TMEM232: variants seen among roughly 807,000 people sequenced by gnomAD.
TMEM232 encodes the protein transmembrane protein 232.
A neutral mutation model predicts 78.8 loss-of-function variants in TMEM232; 80 were observed. The observed-to-expected ratio is 1.01, with a 90% CI of 0.85 to 1.22. The LOEUF (loss-of-function observed/expected upper bound fraction) is 1.22. TMEM232 is among the 50% of genes most tolerant of loss of function. The probability of loss-of-function intolerance (pLI) is 0.00; values close to 1 mark genes in which losing one functional copy is unlikely to be tolerated. For missense variants in TMEM232, 881 were observed against 742.2 expected (o/e 1.19, Z -2.17); for synonymous variants, 297 against 254.3 (o/e 1.17, Z -1.60).
intron 1 of TMEM232, among the ~76,000 whole-genome samples, chr5:110,697,808 G>C (rs1179387346): frequency 1.3e-5 from 2 of 152,134 alleles, no homozygotes; most frequent in Non-Finnish European, 2.9e-5. Flanking sequence ...ACAGGTCCTA[G>C]AGAAATAGGG....
intron 1 of TMEM232, among the ~76,000 whole-genome samples, chr5:110,722,166 A>C (rs1431382135): frequency 1.3e-5 from 2 of 152,106 alleles, no homozygotes; most frequent in African/African-American, 2.4e-5. Flanking sequence ...TCTTACAATG[A>C]AATCACCTTT....
At chr5:110,677,562 C>A (rs1479021041) in intron 1 of TMEM232, among the ~76,000 whole-genome samples, 1 of 152,114 alleles carries the variant, frequency 6.6e-6, no homozygotes, top group Non-Finnish European at 1.5e-5. Flanking sequence ...AAAAAGTTAT[C>A]ACTAAGCATC....
intron 2 of TMEM232, among the ~76,000 whole-genome samples, chr5:110,649,210 A>T (rs1313134022): frequency 6.6e-6 from 1 of 152,138 alleles, no homozygotes; most frequent in African/African-American, 2.4e-5. Flanking sequence ...AACTGTAAAG[A>T]AAAAGAAAAT....
chr5:110,445,585 TAACAACTTA>T (rs1376485111), intron 12 of TMEM232, among the ~76,000 whole-genome samples: 2 of 152,078 alleles, frequency 1.3e-5, no homozygotes, highest in African/African-American at 2.4e-5. Flanking sequence ...ACCCCATAAT[TAACAACTTA>T]AAACAAAAAA....
chr5:110,421,190 TGA>T, intron 13 of TMEM232, among the ~76,000 whole-genome samples: 1 of 151,956 alleles, frequency 6.6e-6, no homozygotes, highest in South Asian at 2.1e-4. Context: ...AAGTTAAAAA[TGA>T]AATTAATGGT....
intron 12 of TMEM232, among the ~76,000 whole-genome samples, chr5:110,466,647 C>T (rs1318243477): frequency 1.3e-5 from 2 of 148,564 alleles, no homozygotes; most frequent in African/African-American, 2.5e-5. Flanking sequence ...GAGTCTTGCT[C>T]TGTTGCCCAG....
At chr5:110,616,897 T>G (rs577387099) in intron 8 of TMEM232, among the ~76,000 whole-genome samples, 1 of 152,264 alleles carries the variant, frequency 6.6e-6, no homozygotes, top group South Asian at 2.1e-4. Context: ...AAAATAGAAC[T>G]ACCATATGAT....
intron 12 of TMEM232, among the ~76,000 whole-genome samples, chr5:110,500,786 A>G (rs1334437601): frequency 1.3e-5 from 2 of 152,216 alleles, no homozygotes; most frequent in East Asian, 3.8e-4. Context: ...CTACGTTTAC[A>G]ATTCAGTATA....
intron 1 of TMEM232, among the ~76,000 whole-genome samples, chr5:110,678,280 G>T (rs1047961118): frequency 6.6e-6 from 1 of 152,044 alleles, no homozygotes; most frequent in Non-Finnish European, 1.5e-5. Context: ...GCCTAGGATG[G>T]TCTCGAACTC....
chr5:110,420,525 T>A lies in TMEM232; in HGVS notation c.*55A>T. 1 of 1,094,888 alleles carries A rather than the reference T, an allele frequency of 9.1e-7. No homozygotes were observed. The highest frequency in any genetic ancestry group is 1.2e-6 in the Non-Finnish European group (1 of 819,472). 67.8% of individuals were successfully genotyped at this position (1,094,888 alleles called of 1,614,324 possible). On this transcript the variant is annotated 3_prime_UTR_variant, in exon 14 of 14. Coordinates refer to ENST00000455884, the MANE Select transcript of TMEM232 (RefSeq NM_001039763.4). Reference sequence around the variant, plus strand: ...GTAGCTATCTTGGTATTTTTCATCCTATGTATTTCTGCCATGTAGTCCTCA... The same window carrying A: ...GTAGCTATCTTGGTATTTTTCATCCAATGTATTTCTGCCATGTAGTCCTCA...
At chr5:110,406,265 TACACACACACACACACACACACAC>T (rs70999966) in intron 2 of TMEM232, among the ~76,000 whole-genome samples, 1 of 143,584 alleles carries the variant, frequency 7.0e-6, no homozygotes, top group Admixed American at 7.0e-5. Context: ...CAGATATATA[TACACACACACACACACACACACAC>T]ACACACACAC....
chr5:110,413,919 A>T (rs1233191285), intron 2 of TMEM232, among the ~76,000 whole-genome samples: 5 of 152,244 alleles, frequency 3.3e-5, no homozygotes, highest in African/African-American at 1.2e-4. Flanking sequence ...AGTGACACAC[A>T]TAGCTTCTGT....
intron 1 of TMEM232, among the ~76,000 whole-genome samples, chr5:110,713,520 T>C (rs941828042): frequency 2.0e-5 from 3 of 152,030 alleles, no homozygotes; most frequent in African/African-American, 7.2e-5. Context: ...GTCCCATAAA[T>C]ATATACACCT....
At chr5:110,578,203 T>G (rs2149716230) in intron 10 of TMEM232, among the ~76,000 whole-genome samples, 1 of 152,060 alleles carries the variant, frequency 6.6e-6, no homozygotes, top group Non-Finnish European at 1.5e-5. Context: ...ACTTCTGACT[T>G]TTGGATTTAT....
chr5:110,659,887 T>G (rs770189144), intron 2 of TMEM232, among the ~76,000 whole-genome samples: 58 of 151,854 alleles, frequency 3.8e-4, no homozygotes, highest in Non-Finnish European at 7.4e-4. Flanking sequence ...GACAAAAATT[T>G]GGAAAATGGA....
At chr5:110,713,020 A>G (rs1233803246) in intron 1 of TMEM232, among the ~76,000 whole-genome samples, 1 of 152,196 alleles carries the variant, frequency 6.6e-6, no homozygotes, top group South Asian at 2.1e-4. Flanking sequence ...GCGTCCATCA[A>G]CAGATGAGTG....
intron 11 of TMEM232, among the ~76,000 whole-genome samples, chr5:110,566,252 G>A (rs1369200429): frequency 1.3e-5 from 2 of 151,696 alleles, no homozygotes; most frequent in Non-Finnish European, 2.9e-5. Flanking sequence ...TATTCCCAGA[G>A]CTCCTAGGCC....
At chr5:110,464,860 T>C (rs1368739060) in intron 12 of TMEM232, among the ~76,000 whole-genome samples, 1 of 152,192 alleles carries the variant, frequency 6.6e-6, no homozygotes, top group Non-Finnish European at 1.5e-5. Context: ...ATCATGAACC[T>C]ACTCTAAAAT....
intron 6 of TMEM232, among the ~76,000 whole-genome samples, chr5:110,627,381 C>T (rs746165398): frequency 6.6e-6 from 1 of 151,928 alleles, no homozygotes; most frequent in Non-Finnish European, 1.5e-5. Context: ...TGAGGATTAC[C>T]AGCATCTGGA....
Sources: gnomAD v4.1 joint callset for allele counts (sites outside exome capture counted in the v4.1 genomes callset) on GRCh38, gnomAD v4.1.1 for gene constraint, MANE v1.5 for transcripts, NCBI Gene and HGNC (gene_info 2026-07-23, HGNC 2026-07-21) for gene names.